Variants in ERI3 observed in about 807,000 individuals in gnomAD.
The protein encoded by ERI3 is ERI1 exoribonuclease 3.
A neutral mutation model predicts 44.4 loss-of-function variants in ERI3; 18 were observed. That is an observed-to-expected ratio of 0.41 (90% CI 0.28 to 0.60). The LOEUF (loss-of-function observed/expected upper bound fraction) is 0.60. Among genes scored for constraint, ERI3 ranks in the 20% least tolerant of loss-of-function variants. The pLI is 0.36. For missense variants in ERI3, 294 were observed against 435.5 expected (o/e 0.68, Z 2.89); for synonymous variants, 183 against 164.8 (o/e 1.11, Z -0.84).
intron 2 of ERI3, among the ~76,000 whole-genome samples, chr1:44,343,907 T>G (rs943498503): frequency 6.6e-6 from 1 of 152,140 alleles, no homozygotes. Context: ...ACAACTTTTA[T>G]GTAAATTTGG....
intron 7 of ERI3, among the ~76,000 whole-genome samples, chr1:44,254,267 T>C (rs930481264): frequency 6.6e-6 from 1 of 152,176 alleles, no homozygotes; most frequent in Non-Finnish European, 1.5e-5. Context: ...AGCCACCCCC[T>C]GAGCCTTGTT....
rs147713232 is a variant in ERI3 at position 44,282,570 on chromosome 1, G to A, written c.831+2265C>T. Among the ~76,000 whole-genome samples the A allele has an allele frequency of 1.4e-3, 219 of 152,284 alleles. 1 individual carries two copies. The highest frequency in any genetic ancestry group is 5.0e-3 in the African/African-American group (209 of 41,548). On this transcript the variant is annotated intron_variant, in intron 7 of 8. Coordinates refer to ENST00000372257, the MANE Select transcript of ERI3 (RefSeq NM_024066.3). Reference sequence around the variant, plus strand: ...CCTGCACCAAGTCACACAGCATAAAGGTCAGAAAGAGTACCATGCCCCTGG... The same window carrying A: ...CCTGCACCAAGTCACACAGCATAAAAGTCAGAAAGAGTACCATGCCCCTGG...
intron 8 of ERI3, among the ~76,000 whole-genome samples, chr1:44,242,596 T>G (rs1644462084): frequency 6.6e-6 from 1 of 151,996 alleles, no homozygotes; most frequent in Non-Finnish European, 1.5e-5. Flanking sequence ...TGCAGAGAGG[T>G]GGACACGGTC....
intron 7 of ERI3, among the ~76,000 whole-genome samples, chr1:44,266,183 G>A (rs1242524118): frequency 6.6e-6 from 1 of 152,222 alleles, no homozygotes; most frequent in East Asian, 1.9e-4. Context: ...TGATGTAGGT[G>A]TGTGAAGAGG....
At chr1:44,325,409 C>A (rs1168545226) in intron 3 of ERI3, among the ~76,000 whole-genome samples, 2 of 151,992 alleles carry the variant, frequency 1.3e-5, no homozygotes, top group African/African-American at 4.8e-5. Flanking sequence ...CTAGGAACCC[C>A]CAATGATTTC....
intron 7 of ERI3, among the ~76,000 whole-genome samples, chr1:44,248,984 C>T (rs527738996): frequency 2.0e-5 from 3 of 152,206 alleles, no homozygotes; most frequent in African/African-American, 4.8e-5. Flanking sequence ...TCCCTTTTAG[C>T]CATGACTGAC....
chr1:44,297,968 A>G (rs777591511), intron 6 of ERI3, among the ~76,000 whole-genome samples: 2 of 152,268 alleles, frequency 1.3e-5, no homozygotes, highest in Non-Finnish European at 2.9e-5. Flanking sequence ...AAAGGCCACA[A>G]GCCCTAGAGA....
intron 7 of ERI3, among the ~76,000 whole-genome samples, chr1:44,260,503 A>T (rs1644871986): frequency 2.0e-5 from 3 of 152,234 alleles, no homozygotes; most frequent in Non-Finnish European, 4.4e-5. Context: ...ATGAAGGTTG[A>T]AAGGACGTGA....
chr1:44,314,786 C>G (rs1646050738), intron 4 of ERI3, among the ~76,000 whole-genome samples: 1 of 152,228 alleles, frequency 6.6e-6, no homozygotes, highest in East Asian at 1.9e-4. Context: ...GGCCGCATTA[C>G]AGGAACTAGA....
intron 5 of ERI3, among the ~76,000 whole-genome samples, chr1:44,308,984 G>A (rs1023620925): frequency 6.6e-6 from 1 of 152,184 alleles, no homozygotes; most frequent in Non-Finnish European, 1.5e-5. Flanking sequence ...GTTGCTAAAA[G>A]TTCAAAACTG....
intron 6 of ERI3, among the ~76,000 whole-genome samples, chr1:44,295,451 A>T (rs1645590815): frequency 6.6e-6 from 1 of 152,148 alleles, no homozygotes. Context: ...ATCACTTGGC[A>T]GTCCCCATAG....
intron 6 of ERI3, among the ~76,000 whole-genome samples, chr1:44,300,366 C>G (rs897717811): frequency 1.3e-5 from 2 of 152,188 alleles, no homozygotes; most frequent in African/African-American, 2.4e-5. Context: ...GGGGTTCCAC[C>G]CTACAGCCTA....
rs1175332013 is a variant in ERI3, at chr1:44,291,834, G to A, written c.759-6927C>T. Among the ~76,000 whole-genome samples the A allele has an allele frequency of 7.9e-5, 12 of 152,196 alleles. 1 individual carries two copies. On this transcript the variant is annotated intron_variant, in intron 6 of 8. Transcript: ENST00000372257. The stretch of plus-strand genomic sequence containing the variant: ...CTTTTCCCCAGTGACCTCGCCTACT[G>A]CAGGACCTGGAGTTACAGATGGAGA...
At chr1:44,314,368 G>C (rs1646039168) in intron 4 of ERI3, among the ~76,000 whole-genome samples, 1 of 152,088 alleles carries the variant, frequency 6.6e-6, no homozygotes, top group Non-Finnish European at 1.5e-5. Context: ...TCATTATTAG[G>C]TGGTATTTTA....
chr1:44,233,293 A>T (rs919429461), intron 8 of ERI3, among the ~76,000 whole-genome samples: 18 of 151,790 alleles, frequency 1.2e-4, no homozygotes, highest in African/African-American at 4.1e-4. Flanking sequence ...CCCCTCACCC[A>T]TGCAAACAAT....
At chr1:44,310,340 T>C (rs1645927283) in intron 5 of ERI3, among the ~76,000 whole-genome samples, 1 of 152,222 alleles carries the variant, frequency 6.6e-6, no homozygotes, top group Non-Finnish European at 1.5e-5. Context: ...AATAATTTTG[T>C]ATTTGAAGCA....
intron 5 of ERI3, among the ~76,000 whole-genome samples, chr1:44,311,155 G>T (rs372373999): frequency 5.3e-5 from 8 of 151,470 alleles, no homozygotes; most frequent in African/African-American, 1.5e-4. Flanking sequence ...ATACTAGAGG[G>T]GCTCCCCAGT....
chr1:44,240,407 T>C (rs1644408219), intron 8 of ERI3, among the ~76,000 whole-genome samples: 1 of 152,150 alleles, frequency 6.6e-6, no homozygotes, highest in Admixed American at 6.5e-5. Flanking sequence ...CAAGGATGGC[T>C]CTCTTAAATG....
At chr1:44,326,872 G>T (rs186430180) in intron 3 of ERI3, among the ~76,000 whole-genome samples, 1 of 152,312 alleles carries the variant, frequency 6.6e-6, no homozygotes, top group South Asian at 2.1e-4. Flanking sequence ...GAGTATGGGT[G>T]CAAAGTGAAT....
Sources: allele counts gnomAD v4.1 joint callset (sites outside exome capture counted in the v4.1 genomes callset), GRCh38; gene constraint gnomAD v4.1.1; transcripts MANE v1.5; gene names NCBI Gene and HGNC (gene_info 2026-07-23, HGNC 2026-07-21).